Variants in PTN observed in about 807,000 individuals in gnomAD.
PTN encodes heparin affin regulatory protein.
A neutral mutation model predicts 24.1 loss-of-function variants in PTN; 18 were observed. The ratio of observed to expected loss-of-function variants is 0.75; its 90% CI spans 0.52 to 1.11. PTN has a LOEUF of 1.11. Ranked by LOEUF, PTN falls within the 50% of genes least tolerant of loss-of-function variation. PTN has a pLI of 0.00. For synonymous variants in PTN, 78 were observed against 68.6 expected (o/e 1.14, Z -0.67); for missense variants, 163 against 198.8 (o/e 0.82, Z 1.08).
chr7:137,340,229 A>G (rs574596175), intron 1 of PTN, among the ~76,000 whole-genome samples: 1 of 152,340 alleles, frequency 6.6e-6, no homozygotes, highest in East Asian at 1.9e-4. Flanking sequence ...AATGTGATCT[A>G]CATAATTAAG....
intron 1 of PTN, among the ~76,000 whole-genome samples, chr7:137,281,097 T>A (rs796289122): frequency 9.2e-5 from 14 of 152,252 alleles, no homozygotes; most frequent in African/African-American, 3.4e-4. Context: ...TCTTGACTAC[T>A]GGATAGCCTG....
At chr7:137,301,208 T>A (rs1300261619) in intron 1 of PTN, among the ~76,000 whole-genome samples, 2 of 151,850 alleles carry the variant, frequency 1.3e-5, no homozygotes, top group African/African-American at 4.8e-5. Flanking sequence ...TAGAGTTGCA[T>A]AAGAAACTAA....
rs147099373 is a variant in PTN at position 137,301,407 on chromosome 7, T to C, written c.-2+42032A>G. On this transcript the variant is annotated intron_variant, in intron 1 of 4. Coordinates refer to ENST00000348225, the MANE Select transcript of PTN (RefSeq NM_002825.7). ...GAGACAGCTGTGAGAGTTGTCATCA[T>C]GGACAACTATGACAGGTGAACCAGC... Among the ~76,000 whole-genome samples the C allele has an allele frequency of 4.4e-3, 662 of 152,072 alleles. 9 individuals carry two copies. The highest frequency in any genetic ancestry group is 6.8e-3 in the Non-Finnish European group (464 of 67,914).
At chr7:137,336,899 GCT>G (rs1562975151) in intron 1 of PTN, among the ~76,000 whole-genome samples, 28 of 152,272 alleles carry the variant, frequency 1.8e-4, no homozygotes, top group Admixed American at 1.6e-3. Flanking sequence ...GTAGGTATGT[GCT>G]CCCATGTTAG....
At chr7:137,323,706 T>A (rs532988077) in intron 1 of PTN, among the ~76,000 whole-genome samples, 1 of 152,190 alleles carries the variant, frequency 6.6e-6, no homozygotes, top group Non-Finnish European at 1.5e-5. Flanking sequence ...AATTTACTAA[T>A]CAGGATTATC....
At position 137,329,490 on chromosome 7, in the gene PTN, T is replaced by C. The variant is rs114433314; in HGVS notation, c.-2+13949A>G. 8.4e-3 allele frequency among the ~76,000 whole-genome samples: 1,277 copies of C among 152,230 alleles called. 18 individuals carry two copies. Among genetic ancestry groups the C allele is most frequent in the African/African-American group, 0.029 (1,213 of 41,548 alleles). On this transcript the variant is annotated intron_variant, in intron 1 of 4. Transcript: ENST00000348225. ...CAGGGTGAAGGTAGAGGACAAGGTA[T>C]GGCTTCAGACAACAGCAGGAGCTTG...
chr7:137,260,912 C>T (rs1055229738), intron 1 of PTN, among the ~76,000 whole-genome samples: 2 of 152,130 alleles, frequency 1.3e-5, no homozygotes, highest in African/African-American at 2.4e-5. Context: ...TCATACAATA[C>T]TTAACATAAT....
At chr7:137,258,321 A>G (rs1389838951) in intron 1 of PTN, among the ~76,000 whole-genome samples, 1 of 152,210 alleles carries the variant, frequency 6.6e-6, no homozygotes, top group Non-Finnish European at 1.5e-5. Flanking sequence ...GTTAATTTAG[A>G]ATAATTAAGA....
At chr7:137,274,044 C>T (rs1179374671) in intron 1 of PTN, among the ~76,000 whole-genome samples, 1 of 152,124 alleles carries the variant, frequency 6.6e-6, no homozygotes, top group Admixed American at 6.5e-5. Context: ...CACACACACA[C>T]ACACACACAC....
At chr7:137,337,795 G>GAAATTGGC (rs1810473606) in intron 1 of PTN, among the ~76,000 whole-genome samples, 1 of 152,156 alleles carries the variant, frequency 6.6e-6, no homozygotes, top group Non-Finnish European at 1.5e-5. Context: ...GCTTAAACAG[G>GAAATTGGC]AAATTGGCAC....
chr7:137,304,645 C>G (rs1014781150), intron 1 of PTN, among the ~76,000 whole-genome samples: 1 of 151,950 alleles, frequency 6.6e-6, no homozygotes, highest in Non-Finnish European at 1.5e-5. Context: ...AAAATAAAAA[C>G]TCAGAAGATG....
At chr7:137,278,438 T>A (rs1158964523) in intron 1 of PTN, among the ~76,000 whole-genome samples, 1 of 151,706 alleles carries the variant, frequency 6.6e-6, no homozygotes, top group Non-Finnish European at 1.5e-5. Flanking sequence ...ATATATTTTC[T>A]AAAAGGTTGA....
intron 3 of PTN, among the ~76,000 whole-genome samples, chr7:137,252,463 T>A (rs1272344857): frequency 2.0e-5 from 3 of 151,956 alleles, no homozygotes; most frequent in African/African-American, 4.9e-5. Flanking sequence ...ATATTCTCAA[T>A]GTAAGTCTTT....
chr7:137,292,743 A>T (rs1809658209), intron 1 of PTN, among the ~76,000 whole-genome samples: 1 of 152,194 alleles, frequency 6.6e-6, no homozygotes, highest in Non-Finnish European at 1.5e-5. Flanking sequence ...TGTTCAGTAC[A>T]GATGCAACCA....
chr7:137,231,731 G>A (rs577658578), intron 4 of PTN, among the ~76,000 whole-genome samples: 2 of 152,058 alleles, frequency 1.3e-5, no homozygotes, highest in East Asian at 3.9e-4. Flanking sequence ...AGTAAGGAGT[G>A]TAAATCCAAT....
rs567119390 is a variant in PTN, at chr7:137,295,875, G to T, written c.-1-40901C>A. Among the ~76,000 whole-genome samples the T allele has an allele frequency of 2.0e-5, 3 of 152,008 alleles. No homozygotes were observed. In the East Asian group the frequency reaches 5.8e-4, roughly 30 times the overall value. On this transcript the variant is annotated intron_variant, in intron 1 of 4. Transcript: ENST00000348225. ...AAACAGATAAAGAAACTTGAACCTA[G>T]CTAGGGAACTGTCAGCTGCCTCAGC...
At chr7:137,333,732 A>C (rs1239157027) in intron 1 of PTN, among the ~76,000 whole-genome samples, 2 of 152,218 alleles carry the variant, frequency 1.3e-5, no homozygotes, top group Non-Finnish European at 2.9e-5. Context: ...CTGCATCGCC[A>C]AGTCAATTCT....
chr7:137,339,474 G>C (rs1810499876), intron 1 of PTN, among the ~76,000 whole-genome samples: 1 of 150,242 alleles, frequency 6.7e-6, no homozygotes, highest in Non-Finnish European at 1.5e-5. Context: ...AACTCCAGCT[G>C]CGCCTCTACA....
chr7:137,296,861 G>A (rs2128877967), intron 1 of PTN, among the ~76,000 whole-genome samples: 1 of 152,168 alleles, frequency 6.6e-6, no homozygotes, highest in Non-Finnish European at 1.5e-5. Flanking sequence ...CCAAATCGAA[G>A]CAGATTGGAT....
Sources: allele counts gnomAD v4.1 joint callset (sites outside exome capture counted in the v4.1 genomes callset), GRCh38; gene constraint gnomAD v4.1.1; transcripts MANE v1.5; gene names NCBI Gene and HGNC (gene_info 2026-07-23, HGNC 2026-07-21).